Variants in OXR1 observed in about 807,000 individuals in gnomAD.
The protein encoded by OXR1 is oxidation resistance 1, also known as oxidation resistance protein 1.
OXR1 carries 41 observed loss-of-function variants against 104.6 expected under a neutral mutation model. That is an observed-to-expected ratio of 0.39 (90% CI 0.31 to 0.51). The LOEUF (loss-of-function observed/expected upper bound fraction) is 0.51, where lower values mean the gene tolerates loss of function less well. Ranked by LOEUF, OXR1 falls within the 20% of genes least tolerant of loss-of-function variation. OXR1 has a pLI of 0.77. For missense variants in OXR1, 955 were observed against 1,031.9 expected (o/e 0.93, Z 1.02); for synonymous variants, 348 against 348.4 (o/e 1.00, Z 0.01).
chr8:106,700,008 T>G (rs995961350), intron 7 of OXR1, among the ~76,000 whole-genome samples: 34 of 152,262 alleles, frequency 2.2e-4, no homozygotes, highest in African/African-American at 8.2e-4. Flanking sequence ...AATATTGTAA[T>G]GTAAGTGGTA....
chr8:106,372,802 G>A (rs1042865655), intron 2 of OXR1, among the ~76,000 whole-genome samples: 7 of 152,092 alleles, frequency 4.6e-5, no homozygotes, highest in Non-Finnish European at 8.8e-5. Context: ...AAACATTACT[G>A]GTCCCAAGCA....
intron 3 of OXR1, among the ~76,000 whole-genome samples, chr8:106,592,209 G>C (rs193188877): frequency 6.6e-6 from 1 of 152,234 alleles, no homozygotes; most frequent in East Asian, 1.9e-4. Flanking sequence ...ACTCAAAATG[G>C]AGAAGTGAAA....
intron 3 of OXR1, among the ~76,000 whole-genome samples, chr8:106,561,208 A>G (rs1029791377): frequency 6.6e-6 from 1 of 152,098 alleles, no homozygotes; most frequent in African/African-American, 2.4e-5. Context: ...CAGAGCCCAG[A>G]AAGCTAAGAT....
chr8:106,722,353 C>T (rs534854415), intron 11 of OXR1, among the ~76,000 whole-genome samples: 3 of 150,970 alleles, frequency 2.0e-5, no homozygotes, highest in South Asian at 4.2e-4. Flanking sequence ...TAATACTGAT[C>T]GAATAATCAA....
At chr8:106,585,103 A>G (rs961138504) in intron 3 of OXR1, among the ~76,000 whole-genome samples, 1 of 152,110 alleles carries the variant, frequency 6.6e-6, no homozygotes, top group Admixed American at 6.6e-5. Flanking sequence ...TTCCTTCATC[A>G]TCTCTGCACT....
intron 2 of OXR1, among the ~76,000 whole-genome samples, chr8:106,506,039 G>A (rs1380933773): frequency 1.3e-5 from 2 of 152,084 alleles, no homozygotes; most frequent in Non-Finnish European, 2.9e-5. Context: ...ATAATTTGGA[G>A]GTATAATAGA....
At chr8:106,343,801 C>T (rs886652865) in intron 1 of OXR1, among the ~76,000 whole-genome samples, 2 of 152,052 alleles carry the variant, frequency 1.3e-5, no homozygotes, top group Admixed American at 6.6e-5. Flanking sequence ...TTGTATATCT[C>T]GGGTAGTGCT....
chr8:106,429,894 T>C lies in OXR1; in HGVS notation c.23+70258T>C, dbSNP rs59977052. Among the ~76,000 whole-genome samples, 339 of 152,328 alleles carry C rather than the reference T, an allele frequency of 2.2e-3. 2 individuals carry two copies. Among genetic ancestry groups the C allele is most frequent in the African/African-American group, 7.7e-3 (319 of 41,592 alleles). On this transcript the variant is annotated intron_variant, in intron 2 of 16. Transcript: ENST00000517566. ...GAATATCTTCCAATATTTTATTCAGTATATTTAAAACTTATACATGCTCAG... is the reference window on the plus strand; with the variant it reads ...GAATATCTTCCAATATTTTATTCAGCATATTTAAAACTTATACATGCTCAG...
At chr8:106,417,893 AG>A (rs1292851393) in intron 2 of OXR1, among the ~76,000 whole-genome samples, 1 of 152,154 alleles carries the variant, frequency 6.6e-6, no homozygotes, top group Non-Finnish European at 1.5e-5. Flanking sequence ...CAGTATCCTC[AG>A]GGGACTAGGA....
intron 1 of OXR1, among the ~76,000 whole-genome samples, chr8:106,297,142 C>T (rs996265034): frequency 2.0e-5 from 3 of 152,036 alleles, no homozygotes; most frequent in East Asian, 1.9e-4. Context: ...TATAGCAATC[C>T]GTGTGGCTGA....
intron 3 of OXR1, among the ~76,000 whole-genome samples, chr8:106,630,140 C>A (rs1822540629): frequency 1.3e-5 from 2 of 152,250 alleles, no homozygotes; most frequent in Admixed American, 6.5e-5. Context: ...CAAATAAAGC[C>A]TGGGTTTGGG....
chr8:106,616,729 A>T (rs1821271035), intron 3 of OXR1, among the ~76,000 whole-genome samples: 1 of 152,188 alleles, frequency 6.6e-6, no homozygotes. Context: ...TGGTGGCACC[A>T]TGAACTCCAT....
chr8:106,363,822 C>G (rs1816350108), intron 2 of OXR1, among the ~76,000 whole-genome samples: 1 of 152,166 alleles, frequency 6.6e-6, no homozygotes, highest in African/African-American at 2.4e-5. Context: ...TCACAAAGTA[C>G]TGTGCCATTC....
At chr8:106,723,318 C>T (rs1453496247) in intron 11 of OXR1, among the ~76,000 whole-genome samples, 5 of 151,856 alleles carry the variant, frequency 3.3e-5, no homozygotes, top group African/African-American at 2.4e-5. Flanking sequence ...GGTGAAACCC[C>T]GTCTCTACTA....
chr8:106,317,304 T>C (rs1465796607), intron 1 of OXR1, among the ~76,000 whole-genome samples: 3 of 152,122 alleles, frequency 2.0e-5, no homozygotes, highest in Non-Finnish European at 4.4e-5. Flanking sequence ...ATGTTTAGGG[T>C]TAGGATTTCC....
intron 1 of OXR1, among the ~76,000 whole-genome samples, chr8:106,335,142 C>G (rs139426945): frequency 2.0e-5 from 3 of 152,126 alleles, no homozygotes; most frequent in African/African-American, 7.2e-5. Flanking sequence ...TGTGTTGTTT[C>G]GTCTGCTGAA....
intron 3 of OXR1, among the ~76,000 whole-genome samples, chr8:106,641,596 G>C (rs1420134602): frequency 6.6e-6 from 1 of 152,150 alleles, no homozygotes; most frequent in Admixed American, 6.5e-5. Context: ...TCTTAATTGA[G>C]TATTAGTAGC....
intron 3 of OXR1, chr8:106,581,144 G>T: frequency 7.9e-7 from 1 of 1,269,182 alleles, no homozygotes; most frequent in Non-Finnish European, 1.0e-6. Flanking sequence ...ATTTTGGATG[G>T]AAATAATCCG....
chr8:106,537,297 G>T (rs551116437), intron 3 of OXR1, among the ~76,000 whole-genome samples: 1 of 152,264 alleles, frequency 6.6e-6, no homozygotes, highest in Admixed American at 6.5e-5. Flanking sequence ...GTAAGACAAG[G>T]CCCCTTTCTT....
Sources: allele counts gnomAD v4.1 joint callset (sites outside exome capture counted in the v4.1 genomes callset), GRCh38; gene constraint gnomAD v4.1.1; transcripts MANE v1.5; gene names NCBI Gene and HGNC (gene_info 2026-07-23, HGNC 2026-07-21).